The following ZNF737 variants were observed in gnomAD, a reference collection of about 807,000 sequenced individuals.
ZNF737 encodes the protein zinc finger protein 102 (Y3).
In ZNF737, 13 loss-of-function variants were observed where a neutral mutation model predicts 11.7. That is an observed-to-expected ratio of 1.11 (90% confidence interval 0.73 to 1.77). The LOEUF (loss-of-function observed/expected upper bound fraction) is 1.77, where lower values mean the gene tolerates loss of function less well. Among genes scored for constraint, ZNF737 ranks in the 40% most tolerant of loss-of-function variants. ZNF737 has a pLI of 0.00. For synonymous variants in ZNF737, 217 were observed against 216.2 expected (o/e 1.00, Z -0.03); for missense variants, 636 against 638.0 (o/e 1.00, Z 0.03).
intron 1 of ZNF737, among the ~76,000 whole-genome samples, chr19:20,563,121 A>G (rs562046501): frequency 2.4e-3 from 119 of 49,884 alleles, no homozygotes; most frequent in Non-Finnish European, 4.6e-3. Flanking sequence ...CAAAGTGTAG[A>G]AAGTGCCACA....
intron 3 of ZNF737, among the ~76,000 whole-genome samples, chr19:20,546,877 CAAA>C (rs782316847): frequency 1.2e-4 from 19 of 152,080 alleles, no homozygotes; most frequent in Non-Finnish European, 1.9e-4. Flanking sequence ...GATCTTGTCT[CAAA>C]ACAACAACAA....
chr19:20,558,598 A>G (rs1968973952), intron 1 of ZNF737, among the ~76,000 whole-genome samples: 1 of 152,182 alleles, frequency 6.6e-6, no homozygotes, highest in Admixed American at 6.5e-5. Context: ...AGTACTAGGA[A>G]ACTGGAGAAA....
intron 2 of ZNF737, 76 bp downstream of exon 2, chr19:20,553,633 A>AC: frequency 7.1e-7 from 1 of 1,405,480 alleles, no homozygotes; most frequent in South Asian, 1.3e-5. Flanking sequence ...AGAATAAATT[A>AC]CTAAAAAAAT....
chr19:20,553,904 T>C, intron 1 of ZNF737, 69 bp from the exon 2 acceptor site: 1 of 1,567,198 alleles, frequency 6.4e-7, no homozygotes, highest in Non-Finnish European at 8.7e-7. Context: ...TGACTTAAGT[T>C]CAAATGAGAG....
chr19:20,555,938 A>G (rs993165662), intron 1 of ZNF737, among the ~76,000 whole-genome samples: 3 of 152,158 alleles, frequency 2.0e-5, no homozygotes, highest in Non-Finnish European at 4.4e-5. Context: ...TGTCAGTACC[A>G]CAAGTATACC....
chr19:20,534,003 T>C (rs1287083535), downstream of ZNF737, among the ~76,000 whole-genome samples: 1 of 150,110 alleles, frequency 6.7e-6, no homozygotes, highest in African/African-American at 2.5e-5. Flanking sequence ...TAGAATAAGA[T>C]AGTTGGCTGT....
the ZNF737 span, among the ~76,000 whole-genome samples, chr19:20,530,353 CGGGG>C: frequency 1.4e-5 from 2 of 139,536 alleles, no homozygotes; most frequent in African/African-American, 2.7e-5. Flanking sequence ...GCTGGCCGGG[CGGGG>C]GGCTGACCCC....
At chr19:20,558,191 G>A (rs1469121991) in intron 1 of ZNF737, among the ~76,000 whole-genome samples, 1 of 151,874 alleles carries the variant, frequency 6.6e-6, no homozygotes, top group African/African-American at 2.4e-5. Flanking sequence ...GCCTGAAGCA[G>A]GAGAATCGCT....
intron 1 of ZNF737, among the ~76,000 whole-genome samples, chr19:20,560,601 AGAAAAGC>A (rs1326584465): frequency 6.6e-6 from 1 of 151,972 alleles, no homozygotes; most frequent in Non-Finnish European, 1.5e-5. Flanking sequence ...CCCAACATGG[AGAAAAGC>A]CATCTCTACT....
chr19:20,534,453 A>ACTCTG (rs1555753433), downstream of ZNF737, among the ~76,000 whole-genome samples: 393 of 144,728 alleles, frequency 2.7e-3, 26 homozygotes, highest in African/African-American at 9.6e-3. Context: ...AAAAGAAAAA[A>ACTCTG]TATCTATCTA....
Position 20,541,291 on chromosome 19 carries a change from A to C in ZNF737, c.*3301T>G. The C allele has an allele frequency of 1.0e-6, 1 of 984,632 alleles. No individual in the cohort carries two copies. The highest frequency in any genetic ancestry group is 1.2e-6 in the Non-Finnish European group (1 of 829,330). 61.0% of individuals were successfully genotyped at this position (984,632 alleles called of 1,614,324 possible). ...AAAACACTCAATTCATAATTTTCTTACACCTCAGGTTTATCTTCAGAGTAA... is the reference window on the plus strand; with the variant it reads ...AAAACACTCAATTCATAATTTTCTTCCACCTCAGGTTTATCTTCAGAGTAA... On this transcript the variant is annotated 3_prime_UTR_variant, in exon 4 of 4. Coordinates refer to ENST00000427401, the MANE Select transcript of ZNF737 (RefSeq NM_001159293.2).
chr19:20,541,050 C>A lies in ZNF737; in HGVS notation c.*3542G>T. 1.0e-6 allele frequency: 1 copy of A among 985,194 alleles called. No individual in the cohort carries two copies. The highest frequency in any genetic ancestry group is 1.2e-6 in the Non-Finnish European group (1 of 829,894). The allele number at this position is 985,194 out of a possible 1,614,324, so 61.0% of individuals were successfully genotyped here. ...TACTCAAGAGAGTTGTTTCTGGAGA[C>A]AAAGTTGCCTGTGCTTTAATAGGCA... On this transcript the variant is annotated 3_prime_UTR_variant, in exon 4 of 4. Transcript: ENST00000427401.
intron 3 of ZNF737, among the ~76,000 whole-genome samples, chr19:20,548,097 G>A (rs781992726): frequency 2.0e-5 from 3 of 151,896 alleles, no homozygotes; most frequent in South Asian, 2.1e-4. Context: ...AGCCGAAATC[G>A]TGCCACTGTA....
Position 20,542,026 on chromosome 19 carries a change from T to G in ZNF737, c.*2566A>C. 1.0e-6 allele frequency: 1 copy of G among 984,616 alleles called. No individual in the cohort carries two copies. The highest frequency in any genetic ancestry group is 1.2e-6 in the Non-Finnish European group (1 of 829,218). 61.0% of individuals were successfully genotyped at this position (984,616 alleles called of 1,614,324 possible). A position where few individuals can be genotyped will look rare whatever the true frequency, so the allele number is the denominator to read the frequency against. On this transcript the variant is annotated 3_prime_UTR_variant, in exon 4 of 4. Coordinates refer to ENST00000427401, the MANE Select transcript of ZNF737 (RefSeq NM_001159293.2). ...AAATTTAATCTATGGGAACAATATT[T>G]AACTCATTTGCAGTTTAAAGCCACT... is the stretch of plus-strand genomic sequence containing the variant.
chr19:20,539,396 C>G lies in ZNF737; in HGVS notation c.*5196G>C. On this transcript the variant is annotated 3_prime_UTR_variant, in exon 4 of 4. Coordinates refer to ENST00000427401, the MANE Select transcript of ZNF737 (RefSeq NM_001159293.2). ...GCCAGGATTTCAGATTTCAAAAGGT[C>G]AAAAACAATCATTGAGCAAAGCTTA... 1.0e-6 allele frequency: 1 copy of G among 985,278 alleles called. No individual in the cohort carries two copies. Among genetic ancestry groups the G allele is most frequent in the Non-Finnish European group, 1.2e-6 (1 of 829,894 alleles). The allele number at this position is 985,278 out of a possible 1,614,324, so 61.0% of individuals were successfully genotyped here. A position where few individuals can be genotyped will look rare whatever the true frequency, so the allele number is the denominator to read the frequency against.
In ZNF737 at chr19:20,543,348, T is replaced by C; in HGVS notation, c.*1244A>G. The C allele has an allele frequency of 1.0e-6, 1 of 986,440 alleles. No homozygotes were observed. The highest frequency in any genetic ancestry group is 1.1e-4 in the East Asian group (1 of 8,818). The allele number at this position is 986,440 out of a possible 1,614,324, so 61.1% of individuals were successfully genotyped here. On this transcript the variant is annotated 3_prime_UTR_variant, in exon 4 of 4. Coordinates refer to ENST00000427401, the MANE Select transcript of ZNF737 (RefSeq NM_001159293.2). ...CAATAAGATCTGTGATACTAGTAAA[T>C]GTACTATGTAACTCCCTTTATATTT...
chr19:20,555,417 C>T (rs533848795), intron 1 of ZNF737, among the ~76,000 whole-genome samples: 5 of 151,998 alleles, frequency 3.3e-5, no homozygotes, highest in African/African-American at 4.8e-5. Flanking sequence ...CTCCTGACCT[C>T]GGGATCTGCC....
downstream of ZNF737, chr19:20,536,144 C>CA (rs1475818526): frequency 7.1e-6 from 7 of 982,354 alleles, no homozygotes; most frequent in African/African-American, 1.8e-5. Context: ...CTGCAATAAA[C>CA]AAAAAACTGA....
rs1181081569 is a variant in ZNF737, at chr19:20,565,621, C to G, written c.3+17G>C. On this transcript the variant is annotated intron_variant, in intron 1 of 3. Transcript: ENST00000427401. ...AGCCTATCCCCCTCTCTCGGGATGT[C>G]GGACCGGCACTCTCACCATTTCTAG... 1.9e-6 allele frequency: 3 copies of G among 1,614,040 alleles called. No homozygotes were observed. The African/African-American group carries it at 4.0e-5, about 22-fold the overall frequency.
Sources: gnomAD v4.1 joint callset for allele counts (sites outside exome capture counted in the v4.1 genomes callset) on GRCh38, gnomAD v4.1.1 for gene constraint, MANE v1.5 for transcripts, NCBI Gene and HGNC (gene_info 2026-07-23, HGNC 2026-07-21) for gene names.